Variants in RPS6KB1 observed in about 807,000 individuals in gnomAD.
RPS6KB1 encodes the protein ribosomal protein S6 kinase beta-1.
RPS6KB1 carries 12 observed loss-of-function variants against 70.2 expected under a neutral mutation model. The ratio of observed to expected loss-of-function variants is 0.17; its 90% confidence interval spans 0.11 to 0.28. The LOEUF (loss-of-function observed/expected upper bound fraction) is 0.28. RPS6KB1 is among the 10% of genes least tolerant of loss of function. The pLI is 1.00. For synonymous variants in RPS6KB1, 175 were observed against 211.2 expected (o/e 0.83, Z 1.49); for missense variants, 270 against 646.6 (o/e 0.42, Z 6.32).
At chr17:59,939,109 T>C (rs1223510857) in intron 12 of RPS6KB1, among the ~76,000 whole-genome samples, 1 of 152,186 alleles carries the variant, frequency 6.6e-6, no homozygotes, top group East Asian at 1.9e-4. Flanking sequence ...GCAGGATGTA[T>C]GTTTGATTCT....
At chr17:59,900,424 G>T (rs2041864122) in intron 1 of RPS6KB1, among the ~76,000 whole-genome samples, 1 of 151,758 alleles carries the variant, frequency 6.6e-6, no homozygotes, top group Admixed American at 6.6e-5. Flanking sequence ...GGAGTGCAAT[G>T]GCGCGATCTT....
chr17:59,918,724 C>T (rs1296618030), intron 4 of RPS6KB1, among the ~76,000 whole-genome samples: 1 of 150,098 alleles, frequency 6.7e-6, no homozygotes, highest in African/African-American at 2.5e-5. Context: ...TACGCATGTT[C>T]TTTTTTGACT....
In RPS6KB1 at chr17:59,914,619, C is replaced by A; in HGVS notation, c.313-16C>A. The A allele has an allele frequency of 6.2e-7, 1 of 1,605,200 alleles. No homozygotes were observed. Among genetic ancestry groups the A allele is most frequent in the South Asian group, 1.1e-5 (1 of 90,500 alleles). The stretch of plus-strand genomic sequence containing the variant: ...ATAGTTTGCCTTTGAATAACACACA[C>A]TTTTTTTTAATCCAGGTTTTTCAAG... On this transcript the variant is annotated splice_polypyrimidine_tract_variant and intron_variant, in intron 3 of 14. Coordinates refer to ENST00000225577, the MANE Select transcript of RPS6KB1 (RefSeq NM_003161.4).
chr17:59,909,736 G>A (rs952119847), intron 1 of RPS6KB1, among the ~76,000 whole-genome samples: 10 of 151,898 alleles, frequency 6.6e-5, no homozygotes, highest in African/African-American at 1.4e-4. Flanking sequence ...AATTAGGGCC[G>A]GGAGTGTTGA....
At chr17:59,931,409 G>A (rs1391385993) in intron 6 of RPS6KB1, 2 of 519,728 alleles carry the variant, frequency 3.8e-6, no homozygotes, top group East Asian at 3.4e-5. Flanking sequence ...GCAAAATAAA[G>A]CACTTTATAG....
chr17:59,924,542 T>C (rs2043480949), intron 4 of RPS6KB1, among the ~76,000 whole-genome samples: 1 of 152,028 alleles, frequency 6.6e-6, no homozygotes, highest in Non-Finnish European at 1.5e-5. Flanking sequence ...ACAGTAATAT[T>C]TGATTTAGGG....
intron 4 of RPS6KB1, among the ~76,000 whole-genome samples, chr17:59,916,149 G>A (rs918520413): frequency 6.6e-6 from 1 of 151,696 alleles, no homozygotes; most frequent in Admixed American, 6.6e-5. Flanking sequence ...TGCCCAGGCT[G>A]GAGTGCAGTG....
intron 1 of RPS6KB1, among the ~76,000 whole-genome samples, chr17:59,909,858 A>C (rs1460178966): frequency 6.6e-6 from 1 of 152,034 alleles, no homozygotes; most frequent in Non-Finnish European, 1.5e-5. Context: ...TAAAAATATA[A>C]AAAATTAGCC....
intron 5 of RPS6KB1, among the ~76,000 whole-genome samples, chr17:59,927,584 G>T (rs2043687557): frequency 6.7e-6 from 1 of 148,236 alleles, no homozygotes; most frequent in South Asian, 2.1e-4. Context: ...TCGGCTCACT[G>T]CAACTTCCGC....
intron 12 of RPS6KB1, among the ~76,000 whole-genome samples, chr17:59,939,512 T>C (rs191222738): frequency 6.7e-6 from 1 of 148,642 alleles, no homozygotes; most frequent in East Asian, 1.9e-4. Context: ...ACTCCTGAGC[T>C]CAAAAGCAAT....
At chr17:59,912,262 T>C (rs2042688787) in intron 2 of RPS6KB1, 2 of 227,288 alleles carry the variant, frequency 8.8e-6, no homozygotes, top group Non-Finnish European at 9.2e-6. Context: ...GCTCTTGTTG[T>C]GTCTGCTCAA....
At chr17:59,914,263 A>G (rs956997049) in intron 3 of RPS6KB1, among the ~76,000 whole-genome samples, 2 of 152,042 alleles carry the variant, frequency 1.3e-5, no homozygotes, top group Admixed American at 1.3e-4. Context: ...ACTATTTTTA[A>G]ATAGTTTTAT....
Position 59,893,182 on chromosome 17 carries a change from C to A in RPS6KB1, c.-3C>A, listed in dbSNP as rs1030560290. The A allele has an allele frequency of 1.4e-5, 22 of 1,579,356 alleles. No individual in the cohort carries two copies. The highest frequency in any genetic ancestry group is 1.9e-5 in the Non-Finnish European group (22 of 1,163,932). Reference sequence around the variant, plus strand: ...CTGTGGTGGCTGCGGCGGGTCCGGGCCCATGAGGCGACGAAGGAGGCGGGA... The same window carrying A: ...CTGTGGTGGCTGCGGCGGGTCCGGGACCATGAGGCGACGAAGGAGGCGGGA... On this transcript the variant is annotated 5_prime_UTR_variant, in exon 1 of 15. Coordinates refer to ENST00000225577, the MANE Select transcript of RPS6KB1 (RefSeq NM_003161.4). The surrounding 1 kb of genome is among the most constrained non-coding windows in gnomAD (Gnocchi z 4.1).
At chr17:59,926,374 A>G in intron 4 of RPS6KB1, 61 bp from the exon 5 acceptor site, 1 of 1,221,442 alleles carries the variant, frequency 8.2e-7, no homozygotes, top group Admixed American at 2.6e-5. Flanking sequence ...TTAGAATAAA[A>G]TAGATTATAG....
chr17:59,910,530 AT>A, intron 1 of RPS6KB1, 31 bp from the exon 2 acceptor site: 1 of 1,413,358 alleles, frequency 7.1e-7, no homozygotes, highest in Non-Finnish European at 9.9e-7. Flanking sequence ...TGTTTATTAG[AT>A]TATTTCTGAA....
chr17:59,947,555 A>T lies in RPS6KB1; in HGVS notation c.*767A>T. 6.5e-7 allele frequency: 1 copy of T among 1,539,316 alleles called. No individual in the cohort carries two copies. The highest frequency in any genetic ancestry group is 8.8e-7 in the Non-Finnish European group (1 of 1,138,860). ...ACCTGTCTGTAATATGAGAAAAAAA[A>T]AATGAATCTATTTAATCATTTCTAC... On this transcript the variant is annotated 3_prime_UTR_variant, in exon 15 of 15. Coordinates refer to ENST00000225577, the MANE Select transcript of RPS6KB1 (RefSeq NM_003161.4).
chr17:59,942,140 A>G (rs148790738), intron 13 of RPS6KB1, among the ~76,000 whole-genome samples: 5,033 of 150,972 alleles, frequency 0.033, 87 homozygotes, highest in Middle Eastern at 0.047. Context: ...TTACAGGCGT[A>G]AGCCACCACG....
In RPS6KB1 at chr17:59,934,131, T is replaced by A. The variant is rs770671252; in HGVS notation, c.689-39T>A. The A allele has an allele frequency of 3.2e-6, 4 of 1,251,994 alleles. No individual in the cohort carries two copies. Among genetic ancestry groups the A allele is most frequent in the Admixed American group, 1.7e-5 (1 of 59,388 alleles). 77.6% of individuals were successfully genotyped at this position (1,251,994 alleles called of 1,614,324 possible). On this transcript the variant is annotated intron_variant, in intron 7 of 14. Transcript: ENST00000225577. The surrounding 1 kb of genome is among the most constrained non-coding windows in gnomAD (Gnocchi z 4.8). ...CATGTTCAAACACTGCACATACTTA[T>A]AATTCGGAGAATAATCATGCTGTAA...
At chr17:59,938,047 A>G (rs2044340164) in intron 12 of RPS6KB1, among the ~76,000 whole-genome samples, 1 of 152,012 alleles carries the variant, frequency 6.6e-6, no homozygotes, top group African/African-American at 2.4e-5. Context: ...TCATATACCT[A>G]CTGCCCAGCT....
Sources: allele counts gnomAD v4.1 joint callset (sites outside exome capture counted in the v4.1 genomes callset), GRCh38; gene constraint gnomAD v4.1.1; non-coding constraint Gnocchi (gnomAD v3.1); transcripts MANE v1.5; gene names NCBI Gene and HGNC (gene_info 2026-07-23, HGNC 2026-07-21).